Variants in FBXO11 observed in about 807,000 individuals in gnomAD.
FBXO11 encodes the protein F-box only protein 11.
A neutral mutation model predicts 117.0 loss-of-function variants in FBXO11; 13 were observed. The observed-to-expected ratio is 0.11, with a 90% confidence interval of 0.07 to 0.18. FBXO11 has a LOEUF of 0.18. Ranked by LOEUF, FBXO11 falls within the 10% of genes least tolerant of loss-of-function variation. FBXO11 has a pLI of 1.00. For missense variants in FBXO11, 767 were observed against 1,164.4 expected, an observed-to-expected ratio of 0.66 and a Z score of 4.97; for synonymous variants, 490 against 380.5, an observed-to-expected ratio of 1.29 and a Z score of -3.35.
intron 1 of FBXO11, among the ~76,000 whole-genome samples, chr2:47,847,735 A>C (rs779620828): frequency 2.6e-5 from 4 of 151,478 alleles, no homozygotes; most frequent in Non-Finnish European, 5.9e-5. Context: ...ATGGTATCAT[A>C]ATTTTTTGGG....
intron 1 of FBXO11, among the ~76,000 whole-genome samples, chr2:47,883,239 T>A (rs1445680180): frequency 6.6e-6 from 1 of 152,206 alleles, no homozygotes; most frequent in African/African-American, 2.4e-5. Flanking sequence ...TGAATTTTCC[T>A]GAAGCAGCTA....
At chr2:47,885,818 C>T (rs1676793642) in intron 1 of FBXO11, among the ~76,000 whole-genome samples, 1 of 152,172 alleles carries the variant, frequency 6.6e-6, no homozygotes, top group Non-Finnish European at 1.5e-5. Flanking sequence ...CTTCTATGGC[C>T]TTTGGCCCAT....
chr2:47,850,594 T>A (rs565392368), intron 1 of FBXO11, among the ~76,000 whole-genome samples: 2 of 152,296 alleles, frequency 1.3e-5, no homozygotes, highest in African/African-American at 4.8e-5. Context: ...AACAATACTC[T>A]ATATAGAAAA....
intron 16 of FBXO11, among the ~76,000 whole-genome samples, chr2:47,816,781 AG>A (rs1167117736): frequency 6.6e-6 from 1 of 152,190 alleles, no homozygotes; most frequent in Non-Finnish European, 1.5e-5. Flanking sequence ...TCTGAGCACT[AG>A]GTCTCAGTGG....
At chr2:47,900,274 T>A (rs1407262663) in intron 1 of FBXO11, among the ~76,000 whole-genome samples, 1 of 152,028 alleles carries the variant, frequency 6.6e-6, no homozygotes, top group African/African-American at 2.4e-5. Flanking sequence ...TGGCACTGTC[T>A]CCTCTCATGG....
intron 10 of FBXO11, 28 bp from the exon 11 acceptor site, chr2:47,832,514 C>T: frequency 6.2e-7 from 1 of 1,609,708 alleles, no homozygotes; most frequent in Non-Finnish European, 8.5e-7. Flanking sequence ...AAACAAACAT[C>T]AGTAGAGCTT....
chr2:47,845,409 A>G (rs1288763420), intron 1 of FBXO11, among the ~76,000 whole-genome samples: 3 of 152,202 alleles, frequency 2.0e-5, no homozygotes, highest in African/African-American at 7.2e-5. Context: ...GCGCTGAAGA[A>G]TATGTGCTAA....
intron 11 of FBXO11, among the ~76,000 whole-genome samples, chr2:47,827,780 T>C (rs1375081407): frequency 6.6e-6 from 1 of 151,644 alleles, no homozygotes; most frequent in Non-Finnish European, 1.5e-5. Context: ...CATTGCAACC[T>C]CCAAATCCCA....
At position 47,807,167 on chromosome 2, in the gene FBXO11, G is replaced by A. The variant is rs1670269504; in HGVS notation, c.*951C>T. 1 of 287,770 alleles carries A rather than the reference G, an allele frequency of 3.5e-6. No homozygotes were observed. The highest frequency in any genetic ancestry group is 6.5e-6 in the Non-Finnish European group (1 of 152,988). The allele number at this position is 287,770 out of a possible 1,614,324, so 17.8% of individuals were successfully genotyped here. A position where few individuals can be genotyped will look rare whatever the true frequency, so the allele number is the denominator to read the frequency against. On this transcript the variant is annotated 3_prime_UTR_variant, in exon 23 of 23. Coordinates refer to ENST00000403359, the MANE Select transcript of FBXO11 (RefSeq NM_001190274.2). ...TAGGGCTGTATATATACTTGTCTCA[G>A]CTTAATGCAGGAAATTGGTTTAATT...
At chr2:47,824,209 A>G (rs539418558) in intron 11 of FBXO11, among the ~76,000 whole-genome samples, 1 of 152,350 alleles carries the variant, frequency 6.6e-6, no homozygotes, top group South Asian at 2.1e-4. Context: ...CCAACAAGTC[A>G]GCTTCTAAAA....
intron 1 of FBXO11, among the ~76,000 whole-genome samples, chr2:47,893,077 C>T (rs1677380651): frequency 6.6e-6 from 1 of 152,086 alleles, no homozygotes; most frequent in Non-Finnish European, 1.5e-5. Context: ...ACTGCTTGAA[C>T]CCAGGAGTAG....
intron 1 of FBXO11, among the ~76,000 whole-genome samples, chr2:47,857,586 G>C (rs986803786): frequency 2.6e-5 from 4 of 152,174 alleles, no homozygotes; most frequent in African/African-American, 9.7e-5. Flanking sequence ...ATGGGGGGTA[G>C]ATTTCATAGC....
intron 1 of FBXO11, among the ~76,000 whole-genome samples, chr2:47,888,348 T>G (rs1677023414): frequency 6.6e-6 from 1 of 152,206 alleles, no homozygotes; most frequent in Non-Finnish European, 1.5e-5. Flanking sequence ...ATTGGGACAG[T>G]GGTTCCTTCT....
intron 11 of FBXO11, among the ~76,000 whole-genome samples, chr2:47,831,161 A>T (rs1187646285): frequency 6.6e-6 from 1 of 151,776 alleles, no homozygotes; most frequent in Admixed American, 6.6e-5. Flanking sequence ...TCATGCCTGT[A>T]ATCCCAGGAC....
rs184923526 is a variant in FBXO11 at position 47,862,776 on chromosome 2, C to T, written c.233-23007G>A. Among the ~76,000 whole-genome samples, 42 of 152,192 alleles carry T rather than the reference C, an allele frequency of 2.8e-4. 1 individual carries two copies. The highest frequency in any genetic ancestry group is 4.1e-4 in the South Asian group (2 of 4,820). Reference sequence around the variant, plus strand: ...CAGCAGCTTCAAAAACGTTTTCAGCCGGGCGTGGTGGCTCACACCTGTAAT... The same window carrying T: ...CAGCAGCTTCAAAAACGTTTTCAGCTGGGCGTGGTGGCTCACACCTGTAAT... On this transcript the variant is annotated intron_variant, in intron 1 of 22. Transcript: ENST00000403359.
intron 1 of FBXO11, among the ~76,000 whole-genome samples, chr2:47,870,968 G>C (rs1266554132): frequency 6.6e-6 from 1 of 152,188 alleles, no homozygotes; most frequent in Admixed American, 6.5e-5. Context: ...CTCCAGAATG[G>C]CTGCAAAGTC....
chr2:47,904,816 G>A (rs923856069), intron 1 of FBXO11, among the ~76,000 whole-genome samples: 6 of 152,060 alleles, frequency 3.9e-5, no homozygotes, highest in African/African-American at 9.7e-5. Flanking sequence ...TTATTTAAAG[G>A]TCTTGATTTA....
At chr2:47,900,740 A>ATACACGTATACACACACGTGTATATC (rs1678136417) in intron 1 of FBXO11, among the ~76,000 whole-genome samples, 1 of 120,074 alleles carries the variant, frequency 8.3e-6, no homozygotes, top group Non-Finnish European at 1.8e-5. Context: ...ACGTGTATAT[A>ATACACGTATACACACACGTGTATATC]TATACACGTA....
chr2:47,871,663 G>A (rs1675634819), intron 1 of FBXO11, among the ~76,000 whole-genome samples: 1 of 152,058 alleles, frequency 6.6e-6, no homozygotes, highest in Non-Finnish European at 1.5e-5. Flanking sequence ...TTTTATATTA[G>A]GGTGGCTATC....
Sources: gnomAD v4.1 joint callset for allele counts (sites outside exome capture counted in the v4.1 genomes callset) on GRCh38, gnomAD v4.1.1 for gene constraint, MANE v1.5 for transcripts, NCBI Gene and HGNC (gene_info 2026-07-23, HGNC 2026-07-21) for gene names.